The following OPTN variants were observed in gnomAD, a reference collection of about 807,000 sequenced individuals.
OPTN encodes optineurin.
OPTN carries 54 observed loss-of-function variants against 70.4 expected under a neutral mutation model. The observed-to-expected ratio is 0.77, with a 90% CI of 0.62 to 0.96. The LOEUF is 0.96. Ranked by LOEUF, OPTN falls within the 40% of genes least tolerant of loss-of-function variation. The probability of loss-of-function intolerance (pLI) is 0.00; values close to 1 mark genes in which losing one functional copy is unlikely to be tolerated. For missense variants in OPTN, 624 were observed against 673.2 expected, an observed-to-expected ratio of 0.93 and a Z score of 0.81; for synonymous variants, 256 against 248.5, an observed-to-expected ratio of 1.03 and a Z score of -0.28.
chr10:13,113,966 G>A (rs951985921), intron 5 of OPTN, among the ~76,000 whole-genome samples: 4 of 152,142 alleles, frequency 2.6e-5, no homozygotes, highest in African/African-American at 7.2e-5. Flanking sequence ...TCAGGAGGCT[G>A]AGGCAGGAGG....
Position 13,109,172 on chromosome 10 carries a change from G to A in OPTN, c.50G>A (p.Ser17Asn). 1.2e-6 allele frequency: 2 copies of A among 1,614,020 alleles called. No individual in the cohort carries two copies. Among genetic ancestry groups the A allele is most frequent in the Non-Finnish European group, 8.5e-7 (1 of 1,180,004 alleles). The part of the protein sequence containing the change: ...SCLTEKEDSP[S>N]ESTGNGPPHL... ...CTCACTGAAAAGGAGGACAGCCCCA[G>A]TGAAAGCACAGGAAATGGACCCCCC... is the stretch of plus-strand genomic sequence containing the variant. Residue 17 changes from serine to asparagine, a missense_variant, in exon 3 of 15, where the codon AGT becomes AAT. Ser to Asn is a conservative substitution (Grantham distance 46). Transcript: ENST00000378747.
chr10:13,112,687 G>A, intron 5 of OPTN, 52 bp downstream of exon 5: 1 of 1,548,532 alleles, frequency 6.5e-7, no homozygotes, highest in Non-Finnish European at 8.9e-7. Context: ...GCCTCCCCTG[G>A]AAAGATGAAA....
intron 14 of OPTN, among the ~76,000 whole-genome samples, chr10:13,134,845 C>G (rs945627608): frequency 1.2e-4 from 18 of 152,222 alleles, no homozygotes; most frequent in African/African-American, 4.3e-4. Flanking sequence ...TGTACCTTCT[C>G]AGAAGCAGAG....
intron 6 of OPTN, 77 bp from the exon 7 acceptor site, chr10:13,118,811 C>G: frequency 1.6e-6 from 2 of 1,245,098 alleles, no homozygotes. Flanking sequence ...TAAGCTGGTC[C>G]CAGTTATATT....
intron 10 of OPTN, 110 bp from the exon 11 acceptor site, chr10:13,125,836 G>C (rs1303515282): frequency 2.3e-6 from 2 of 863,940 alleles, no homozygotes; most frequent in Non-Finnish European, 3.8e-6. Context: ...GGGTGATAAA[G>C]GTAGGCGAGA....
chr10:13,124,049 C>CT lies in OPTN; in HGVS notation c.939dup (p.Gln314SerfsTer11). 6.2e-7 allele frequency: 1 copy of CT among 1,613,932 alleles called. No homozygotes were observed. Among genetic ancestry groups the CT allele is most frequent in the Non-Finnish European group, 8.5e-7 (1 of 1,179,882 alleles). ...CCAGGTGACATCTCTGTTTAAGGAG[C>CT]TTCAAGAGGCTCATACAAAACTCAG... is the stretch of plus-strand genomic sequence containing the variant. On this transcript the variant is annotated frameshift_variant, in exon 9 of 15. Transcript: ENST00000378747. LOFTEE classifies it high-confidence loss of function.
intron 14 of OPTN, among the ~76,000 whole-genome samples, chr10:13,135,624 G>T (rs1415492786): frequency 1.3e-5 from 2 of 151,844 alleles, no homozygotes; most frequent in South Asian, 2.1e-4. Context: ...CTGTCTCCCG[G>T]CACACAGCAG....
chr10:13,112,628 G>A lies in OPTN; in HGVS notation c.545G>A (p.Arg182Lys). Reference protein sequence around the residue: ...GSSEDSFVEIRMAEGEAEGSV... With the variant: ...GSSEDSFVEIKMAEGEAEGSV... ...TCAGAAGATTCCTTTGTTGAAATTAGGATGGCTGTGAGTTTTTGGTTTTAT... is the reference window on the plus strand; with the variant it reads ...TCAGAAGATTCCTTTGTTGAAATTAAGATGGCTGTGAGTTTTTGGTTTTAT... The change falls in exon 5 of 15, where the codon AGG becomes AAG. Residue 182 changes from arginine to lysine, a missense_variant. Coordinates refer to ENST00000378747, the MANE Select transcript of OPTN (RefSeq NM_001008212.2). The A allele has an allele frequency of 6.2e-7, 1 of 1,614,134 alleles. No individual in the cohort carries two copies. The highest frequency in any genetic ancestry group is 8.5e-7 in the Non-Finnish European group (1 of 1,180,008).
At chr10:13,121,857 A>C (rs1161683786) in intron 7 of OPTN, among the ~76,000 whole-genome samples, 2 of 152,130 alleles carry the variant, frequency 1.3e-5, no homozygotes, top group Admixed American at 1.3e-4. Context: ...AAAAAATTGC[A>C]TGCATCTGTT....
chr10:13,124,169 T>G, intron 9 of OPTN, 59 bp downstream of exon 9: 3 of 950,586 alleles, frequency 3.2e-6, no homozygotes, highest in South Asian at 2.9e-5. Context: ...CAAAGTATAC[T>G]ACTATATAAA....
chr10:13,110,608 G>C (rs1329430066), intron 4 of OPTN, 132 bp downstream of exon 4: 1 of 902,686 alleles, frequency 1.1e-6, no homozygotes, highest in Non-Finnish European at 1.7e-6. Context: ...GCCTGGTCTT[G>C]GAAGAAGTGC....
At position 13,137,178 on chromosome 10, in the gene OPTN, T is replaced by G. The variant is rs2131535763; in HGVS notation, c.*312T>G. Reference sequence around the variant, plus strand: ...CCTGTAGTCGCAGCTACTCGCGAGGTTGAGGCAGGAGAATTGCTTGAACCC... The same window carrying G: ...CCTGTAGTCGCAGCTACTCGCGAGGGTGAGGCAGGAGAATTGCTTGAACCC... On this transcript the variant is annotated 3_prime_UTR_variant, in exon 15 of 15. Transcript: ENST00000378747. 7 of 426,724 alleles carry G rather than the reference T, an allele frequency of 1.6e-5. No individual in the cohort carries two copies. Among genetic ancestry groups the G allele is most frequent in the South Asian group, 1.5e-4 (7 of 46,836 alleles). The allele number at this position is 426,724 out of a possible 1,614,324, so 26.4% of individuals were successfully genotyped here.
intron 2 of OPTN, chr10:13,108,910 G>A (rs373975239): frequency 1.0e-5 from 6 of 589,704 alleles, no homozygotes; most frequent in East Asian, 3.1e-5. Flanking sequence ...ACATGCGCGT[G>A]CACACACACA....
chr10:13,114,950 G>T (rs1487912037), intron 5 of OPTN, among the ~76,000 whole-genome samples: 5 of 61,018 alleles, frequency 8.2e-5, no homozygotes, highest in East Asian at 4.8e-4. Flanking sequence ...TTTATATATA[G>T]ATATATCTAT....
intron 7 of OPTN, among the ~76,000 whole-genome samples, chr10:13,120,137 C>T (rs1280299465): frequency 2.0e-5 from 3 of 151,534 alleles, no homozygotes; most frequent in Non-Finnish European, 4.4e-5. Flanking sequence ...CGCCCGCCAC[C>T]ACGCCCGGCT....
chr10:13,120,735 C>G (rs1457431020), intron 7 of OPTN, among the ~76,000 whole-genome samples: 1 of 152,098 alleles, frequency 6.6e-6, no homozygotes, highest in African/African-American at 2.4e-5. Context: ...ACCACAATGT[C>G]TTGAGTACTA....
rs1183864848 is a variant in OPTN at position 13,108,888 on chromosome 10, A to G, written c.-11-224A>G. 7 of 537,328 alleles carry G rather than the reference A, an allele frequency of 1.3e-5. No individual in the cohort carries two copies. In the East Asian group the frequency reaches 2.4e-4, roughly 18 times the overall value. 33.3% of individuals were successfully genotyped at this position (537,328 alleles called of 1,614,324 possible). A position where few individuals can be genotyped will look rare whatever the true frequency, so the allele number is the denominator to read the frequency against. Reference sequence around the variant, plus strand: ...TACACCCATACACACACACGCACACACACACATGCACACATGCGCGTGCAC... The same window carrying G: ...TACACCCATACACACACACGCACACGCACACATGCACACATGCGCGTGCAC... On this transcript the variant is annotated intron_variant, in intron 2 of 14. Transcript: ENST00000378747.
chr10:13,122,175 C>A (rs1588445510), intron 7 of OPTN, among the ~76,000 whole-genome samples: 1 of 152,144 alleles, frequency 6.6e-6, no homozygotes, highest in East Asian at 1.9e-4. Context: ...TGCCTTTTAC[C>A]TCTGTGTGTA....
At chr10:13,120,904 G>C (rs1415151569) in intron 7 of OPTN, among the ~76,000 whole-genome samples, 3 of 152,160 alleles carry the variant, frequency 2.0e-5, no homozygotes, top group African/African-American at 7.2e-5. Flanking sequence ...ACAAATCCTG[G>C]CGGAAAGCGA....
Sources: gnomAD v4.1 joint callset for allele counts (sites outside exome capture counted in the v4.1 genomes callset) on GRCh38, gnomAD v4.1.1 for gene constraint, MANE v1.5 for transcripts, NCBI Gene and HGNC (gene_info 2026-07-23, HGNC 2026-07-21) for gene names.